NOS1AP: variants seen among roughly 807,000 people sequenced by gnomAD.
The protein encoded by NOS1AP is carboxyl-terminal PDZ ligand of neuronal nitric oxide synthase protein.
NOS1AP carries 21 observed loss-of-function variants against 56.2 expected under a neutral mutation model. The observed-to-expected ratio is 0.37, with a 90% CI of 0.26 to 0.54. NOS1AP has a LOEUF of 0.54. Among genes scored for constraint, NOS1AP ranks in the 20% least tolerant of loss-of-function variants. NOS1AP has a pLI of 0.84. For missense variants in NOS1AP, 522 were observed against 657.8 expected, an observed-to-expected ratio of 0.79 and a Z score of 2.26; for synonymous variants, 270 against 274.6, an observed-to-expected ratio of 0.98 and a Z score of 0.17.
intron 1 of NOS1AP, among the ~76,000 whole-genome samples, chr1:162,127,663 C>T (rs1293431049): frequency 3.3e-5 from 5 of 152,128 alleles, no homozygotes; most frequent in Admixed American, 3.3e-4. Context: ...GGAGCAGGCA[C>T]TTCACAAGGC....
At chr1:162,087,739 C>G (rs1692035739) in intron 1 of NOS1AP, among the ~76,000 whole-genome samples, 2 of 152,180 alleles carry the variant, frequency 1.3e-5, no homozygotes, top group Non-Finnish European at 2.9e-5. Context: ...TGCCCATGTA[C>G]TGGTTGACAG....
chr1:162,202,920 C>G (rs1322665181), intron 2 of NOS1AP, among the ~76,000 whole-genome samples: 1 of 152,114 alleles, frequency 6.6e-6, no homozygotes, highest in African/African-American at 2.4e-5. Flanking sequence ...CAACTGATGC[C>G]TGTAGGTCTG....
At chr1:162,167,033 C>T (rs935818155) in intron 2 of NOS1AP, among the ~76,000 whole-genome samples, 4 of 152,184 alleles carry the variant, frequency 2.6e-5, no homozygotes, top group Non-Finnish European at 5.9e-5. Flanking sequence ...CACCACCCAG[C>T]CCTTTTGCAT....
At chr1:162,078,538 G>GATGCTCC (rs540839915) in intron 1 of NOS1AP, among the ~76,000 whole-genome samples, 10 of 151,988 alleles carry the variant, frequency 6.6e-5, no homozygotes, top group African/African-American at 9.7e-5. Context: ...CACCCGTTCA[G>GATGCTCC]ATGCTCCACC....
At chr1:162,265,212 A>G (rs1484367763) in intron 2 of NOS1AP, among the ~76,000 whole-genome samples, 7 of 144,012 alleles carry the variant, frequency 4.9e-5, no homozygotes, top group Non-Finnish European at 9.0e-5. Context: ...CTCCCTATTA[A>G]AGGGTCGTTT....
At chr1:162,221,838 C>T (rs1652792356) in intron 2 of NOS1AP, among the ~76,000 whole-genome samples, 1 of 152,078 alleles carries the variant, frequency 6.6e-6, no homozygotes, top group Non-Finnish European at 1.5e-5. Flanking sequence ...ATTTCTATAG[C>T]TTGTTTTCTT....
chr1:162,327,107 T>A (rs1218309655), intron 4 of NOS1AP, among the ~76,000 whole-genome samples: 1 of 152,022 alleles, frequency 6.6e-6, no homozygotes, highest in African/African-American at 2.4e-5. Context: ...AGGCTGAAGA[T>A]GAGAGAAAAA....
chr1:162,223,052 G>T (rs1214920037), intron 2 of NOS1AP, among the ~76,000 whole-genome samples: 5 of 152,200 alleles, frequency 3.3e-5, no homozygotes, highest in Non-Finnish European at 5.9e-5. Context: ...TTTGTTCAAA[G>T]ACGTTGTAAC....
chr1:162,138,493 T>G (rs1332966922), intron 1 of NOS1AP, among the ~76,000 whole-genome samples: 1 of 152,236 alleles, frequency 6.6e-6, no homozygotes, highest in Admixed American at 6.5e-5. Context: ...TTAATTTTAT[T>G]CATTTGGTTC....
At chr1:162,090,369 T>A (rs182273955) in intron 1 of NOS1AP, among the ~76,000 whole-genome samples, 3 of 146,972 alleles carry the variant, frequency 2.0e-5, no homozygotes, top group African/African-American at 5.0e-5. Flanking sequence ...TTATCTTTTG[T>A]AAAAAAAAAA....
chr1:162,343,903 G>C lies in NOS1AP; in HGVS notation c.522G>C (p.Gln174His). 6.2e-7 allele frequency: 1 copy of C among 1,614,152 alleles called. No homozygotes were observed. The highest frequency in any genetic ancestry group is 1.1e-5 in the South Asian group (1 of 91,080). Residue 174 changes from glutamine to histidine, a missense_variant, in exon 6 of 10, where the codon CAG (glutamine) becomes CAC (histidine). Gln to His is a conservative substitution (Grantham distance 24). This residue lies in a region of NOS1AP where 178 missense variants were observed against 165.0 expected (regional missense o/e 1.08). Transcript: ENST00000361897. ...AFEVCHKLSL[Q>H]HTQQNADGQE... Reference sequence around the variant, plus strand: ...AGGTCTGCCACAAGCTGAGCCTGCAGCACACGCAGCAGAATGCAGATGGCC... The same window carrying C: ...AGGTCTGCCACAAGCTGAGCCTGCACCACACGCAGCAGAATGCAGATGGCC...
At chr1:162,329,180 C>G (rs1044845555) in intron 4 of NOS1AP, among the ~76,000 whole-genome samples, 1 of 152,100 alleles carries the variant, frequency 6.6e-6, no homozygotes. Flanking sequence ...AAAAGCATAA[C>G]AGTTCTGTTA....
At chr1:162,306,236 T>C (rs1655821840) in intron 4 of NOS1AP, among the ~76,000 whole-genome samples, 1 of 152,210 alleles carries the variant, frequency 6.6e-6, no homozygotes, top group Non-Finnish European at 1.5e-5. Context: ...GGCTGTTGGC[T>C]CTTCATGGCA....
At chr1:162,289,234 TTCCTTCC>T (rs1655196423) in intron 3 of NOS1AP, among the ~76,000 whole-genome samples, 15 of 56,872 alleles carry the variant, frequency 2.6e-4, no homozygotes, top group African/African-American at 9.7e-4. Context: ...CCTTCCTTCC[TTCCTTCC>T]TTCCTTCCTT....
At chr1:162,184,020 G>T (rs1038201441) in intron 2 of NOS1AP, among the ~76,000 whole-genome samples, 8 of 152,148 alleles carry the variant, frequency 5.3e-5, no homozygotes, top group Non-Finnish European at 1.2e-4. Flanking sequence ...TCCTTACCCG[G>T]CTTAATCATT....
chr1:162,155,280 ACATATATACATATATATG>A (rs1649903856), intron 2 of NOS1AP, among the ~76,000 whole-genome samples: 2 of 142,350 alleles, frequency 1.4e-5, no homozygotes, highest in East Asian at 4.1e-4. Context: ...ATACATATAC[ACATATATACATATATATG>A]TATATGTATG....
chr1:162,146,842 C>T (rs1241513824), intron 1 of NOS1AP, among the ~76,000 whole-genome samples: 1 of 152,022 alleles, frequency 6.6e-6, no homozygotes, highest in Non-Finnish European at 1.5e-5. Flanking sequence ...ATTGATAAGC[C>T]AATATTGATA....
rs560802682 is a variant in NOS1AP at position 162,109,332 on chromosome 1, C to T, written c.105+39050C>T. Among the ~76,000 whole-genome samples, 18 of 152,284 alleles carry T rather than the reference C, an allele frequency of 1.2e-4. 1 individual carries two copies. In the South Asian group the frequency reaches 3.5e-3, roughly 30 times the overall value. On this transcript the variant is annotated intron_variant, in intron 1 of 9. Transcript: ENST00000361897. ...CAGGGAGAATTTGAGCACTGGCTGG[C>T]TATCTGATAAAACAAATTGTTAGTT...
At chr1:162,272,110 C>T (rs1046852628) in intron 2 of NOS1AP, among the ~76,000 whole-genome samples, 1 of 152,124 alleles carries the variant, frequency 6.6e-6, no homozygotes, top group African/African-American at 2.4e-5. Context: ...CCTCAACCTC[C>T]TGAAGTGTGG....
Sources: allele counts gnomAD v4.1 joint callset (sites outside exome capture counted in the v4.1 genomes callset), GRCh38; gene constraint gnomAD v4.1.1; regional missense constraint gnomAD v4.1.1; transcripts MANE v1.5; gene names NCBI Gene and HGNC (gene_info 2026-07-23, HGNC 2026-07-21).